SETD3: variants seen among roughly 807,000 people sequenced by gnomAD.
SETD3 encodes the protein SET domain containing 3, actin N3(tau)-histidine methyltransferase, also known as actin-histidine N-methyltransferase.
A neutral mutation model predicts 63.0 loss-of-function variants in SETD3; 19 were observed. The ratio of observed to expected loss-of-function variants is 0.30; its 90% CI spans 0.21 to 0.44. The LOEUF is 0.44. Ranked by LOEUF, SETD3 falls within the 20% of genes least tolerant of loss-of-function variation. SETD3 has a pLI of 1.00. For missense variants in SETD3, 587 were observed against 728.5 expected, an observed-to-expected ratio of 0.81 and a Z score of 2.24; for synonymous variants, 286 against 264.1, an observed-to-expected ratio of 1.08 and a Z score of -0.80.
At chr14:99,412,913 T>C in intron 8 of SETD3, 38 bp downstream of exon 8, 2 of 1,401,206 alleles carry the variant, frequency 1.4e-6, no homozygotes, top group Non-Finnish European at 2.0e-6. Context: ...AACAACAGCC[T>C]CCCAGATTCA....
chr14:99,400,028 A>G, intron 12 of SETD3, 71 bp downstream of exon 12: 1 of 1,395,032 alleles, frequency 7.2e-7, no homozygotes, highest in East Asian at 2.5e-5. Flanking sequence ...GGCGTGAGCC[A>G]CCGCACCAAG....
chr14:99,406,093 A>G (rs1469612304), intron 9 of SETD3, among the ~76,000 whole-genome samples: 1 of 152,240 alleles, frequency 6.6e-6, no homozygotes, highest in Non-Finnish European at 1.5e-5. Flanking sequence ...GATTAAAATG[A>G]AAGTATAAGA....
intron 1 of SETD3, among the ~76,000 whole-genome samples, chr14:99,469,613 C>T (rs1029880400): frequency 1.3e-5 from 2 of 152,134 alleles, no homozygotes; most frequent in African/African-American, 2.4e-5. Context: ...GGCACCGTGG[C>T]GCAAGCCTGT....
upstream of SETD3, among the ~76,000 whole-genome samples, chr14:99,482,378 C>G (rs369431854): frequency 6.6e-6 from 1 of 152,196 alleles, no homozygotes; most frequent in East Asian, 1.9e-4. Context: ...AAGCGAGGAG[C>G]TTTCAGCGCC....
chr14:99,405,443 C>G, intron 9 of SETD3, 72 bp from the exon 10 acceptor site: 2 of 1,493,196 alleles, frequency 1.3e-6, no homozygotes, highest in Non-Finnish European at 1.8e-6. Flanking sequence ...CAGGGCAGGG[C>G]AGAGGCTTAG....
chr14:99,436,675 G>A (rs977319852), intron 6 of SETD3, among the ~76,000 whole-genome samples: 5 of 151,976 alleles, frequency 3.3e-5, no homozygotes, highest in Non-Finnish European at 5.9e-5. Context: ...AATTCTTCTC[G>A]GCAGCCTCTC....
At chr14:99,482,631 C>A (rs1390305970), upstream of SETD3, among the ~76,000 whole-genome samples, 1 of 152,134 alleles carries the variant, frequency 6.6e-6, no homozygotes, top group East Asian at 1.9e-4. Flanking sequence ...TATTGTGATG[C>A]ATTATTCAAG....
intron 1 of SETD3, among the ~76,000 whole-genome samples, chr14:99,470,220 G>C (rs4905836): frequency 0.98 from 149,696 of 152,264 alleles, 73,636 homozygotes; most frequent in East Asian, 1. Context: ...ACCGAAATGT[G>C]CCCTGTGGCA....
At chr14:99,441,233 A>G (rs983617715) in intron 6 of SETD3, among the ~76,000 whole-genome samples, 1 of 152,198 alleles carries the variant, frequency 6.6e-6, no homozygotes, top group African/African-American at 2.4e-5. Context: ...CACTCCTTTT[A>G]TATCTCCTTA....
At chr14:99,464,377 T>A (rs1244735081) in intron 2 of SETD3, among the ~76,000 whole-genome samples, 1 of 152,220 alleles carries the variant, frequency 6.6e-6, no homozygotes, top group Non-Finnish European at 1.5e-5. Flanking sequence ...TAACAATAAC[T>A]AGACACACGC....
At chr14:99,400,701 G>A (rs755482621) in intron 11 of SETD3, among the ~76,000 whole-genome samples, 23 of 152,036 alleles carry the variant, frequency 1.5e-4, no homozygotes, top group Admixed American at 5.9e-4. Flanking sequence ...CAACAATCCC[G>A]CAAGCCCATA....
chr14:99,410,340 C>A, intron 8 of SETD3: 2 of 1,309,238 alleles, frequency 1.5e-6, no homozygotes, highest in East Asian at 2.5e-5. Context: ...TAAGACTCAT[C>A]TAAATATAAA....
intron 8 of SETD3, among the ~76,000 whole-genome samples, chr14:99,409,274 C>T (rs1891847118): frequency 6.6e-6 from 1 of 152,150 alleles, no homozygotes; most frequent in Non-Finnish European, 1.5e-5. Flanking sequence ...CCCATAGGGA[C>T]ATCTAGTGGA....
chr14:99,406,632 C>A lies in SETD3; in HGVS notation c.850-42G>T, dbSNP rs763121701. Reference sequence around the variant, plus strand: ...GAAGGAAATGATGGTGAGGCAAACACACGCACATCTCACTTAATCTACAAG... The same window carrying A: ...GAAGGAAATGATGGTGAGGCAAACAAACGCACATCTCACTTAATCTACAAG... On this transcript the variant is annotated intron_variant, in intron 8 of 12. Transcript: ENST00000331768. 8 of 1,554,612 alleles carry A rather than the reference C, an allele frequency of 5.1e-6. 1 individual carries two copies. In the South Asian group the frequency reaches 8.9e-5, roughly 17 times the overall value.
intron 1 of SETD3, among the ~76,000 whole-genome samples, chr14:99,475,468 A>G (rs1471863628): frequency 6.6e-6 from 1 of 152,270 alleles, no homozygotes; most frequent in Non-Finnish European, 1.5e-5. Context: ...GCAGAGCTGC[A>G]CGTTCACTTC....
intron 1 of SETD3, among the ~76,000 whole-genome samples, chr14:99,475,024 G>A (rs1386236990): frequency 1.3e-5 from 2 of 152,014 alleles, no homozygotes; most frequent in Admixed American, 6.6e-5. Context: ...CCTATTTAAT[G>A]GAAGTTACCA....
At position 99,454,048 on chromosome 14, in the gene SETD3, T is replaced by C. The variant is rs887810538; in HGVS notation, c.675+4231A>G. Among the ~76,000 whole-genome samples the C allele has an allele frequency of 3.3e-5, 5 of 152,162 alleles. No individual in the cohort carries two copies. In the South Asian group the frequency reaches 8.3e-4, roughly 25 times the overall value. Reference sequence around the variant, plus strand: ...CCCAAGGTCTTAGGAGAAAGCAGGGTTGTTTTCCTGTAATACCCATCTGAC... The same window carrying C: ...CCCAAGGTCTTAGGAGAAAGCAGGGCTGTTTTCCTGTAATACCCATCTGAC... On this transcript the variant is annotated intron_variant, in intron 6 of 12. Transcript: ENST00000331768.
At chr14:99,419,472 G>A (rs543149312) in intron 6 of SETD3, among the ~76,000 whole-genome samples, 11 of 152,246 alleles carry the variant, frequency 7.2e-5, no homozygotes, top group Non-Finnish European at 1.5e-4. Flanking sequence ...CAAAAGATAC[G>A]TCTGTTTAAA....
At chr14:99,453,761 G>A (rs559789030) in intron 6 of SETD3, among the ~76,000 whole-genome samples, 3 of 151,990 alleles carry the variant, frequency 2.0e-5, no homozygotes, top group African/African-American at 7.2e-5. Flanking sequence ...GGGAGGCTGA[G>A]GTTGCAGTGA....
Sources: gnomAD v4.1 joint callset for allele counts (sites outside exome capture counted in the v4.1 genomes callset) on GRCh38, gnomAD v4.1.1 for gene constraint, MANE v1.5 for transcripts, NCBI Gene and HGNC (gene_info 2026-07-23, HGNC 2026-07-21) for gene names.